Variants in ARFIP1 observed in about 807,000 individuals in gnomAD.
ARFIP1 encodes ARF interacting protein 1, also known as arfaptin-1.
ARFIP1 carries 24 observed loss-of-function variants against 42.5 expected under a neutral mutation model. The observed-to-expected ratio is 0.57, with a 90% CI of 0.41 to 0.80. The LOEUF is 0.80. Ranked by LOEUF, ARFIP1 falls within the 30% of genes least tolerant of loss-of-function variation. The pLI is 0.00. For synonymous variants in ARFIP1, 141 were observed against 153.7 expected (o/e 0.92, Z 0.61); for missense variants, 354 against 434.0 (o/e 0.82, Z 1.64).
chr4:152,896,889 CTG>C (rs777602519), intron 8 of ARFIP1, among the ~76,000 whole-genome samples: 7 of 152,030 alleles, frequency 4.6e-5, no homozygotes, highest in Non-Finnish European at 7.4e-5. Context: ...ATGATTAATT[CTG>C]TGTTGGTGAG....
intron 5 of ARFIP1, among the ~76,000 whole-genome samples, chr4:152,874,491 A>T (rs1735156354): frequency 6.6e-6 from 1 of 152,204 alleles, no homozygotes; most frequent in Admixed American, 6.5e-5. Context: ...AACCAAAAAA[A>T]GTTCATAGTG....
chr4:152,785,298 C>T (rs1730735315), intron 1 of ARFIP1, among the ~76,000 whole-genome samples: 3 of 152,196 alleles, frequency 2.0e-5, no homozygotes, highest in Admixed American at 6.5e-5. Context: ...TTACTCCAGC[C>T]ATACCAAATA....
At chr4:152,806,375 A>G (rs1197497618) in intron 1 of ARFIP1, among the ~76,000 whole-genome samples, 2 of 152,166 alleles carry the variant, frequency 1.3e-5, no homozygotes, top group Non-Finnish European at 2.9e-5. Context: ...GTAGGTGGGC[A>G]CTGTGATCAG....
chr4:152,885,558 TAGTG>T (rs1736192336), intron 7 of ARFIP1, among the ~76,000 whole-genome samples: 1 of 151,946 alleles, frequency 6.6e-6, no homozygotes. Context: ...TTTGAAAACT[TAGTG>T]AGCTTCTCTT....
chr4:152,867,560 G>A (rs1367028319), intron 3 of ARFIP1, among the ~76,000 whole-genome samples: 1 of 152,018 alleles, frequency 6.6e-6, no homozygotes, highest in Middle Eastern at 3.2e-3. Flanking sequence ...AGAGGGTCTC[G>A]AAACAATTAC....
At chr4:152,793,431 C>G (rs1391353748) in intron 1 of ARFIP1, among the ~76,000 whole-genome samples, 1 of 151,004 alleles carries the variant, frequency 6.6e-6, no homozygotes, top group Non-Finnish European at 1.5e-5. Context: ...TTGGTCTTTT[C>G]CAGAGCTGAA....
chr4:152,842,033 T>G (rs1157390897), intron 2 of ARFIP1, among the ~76,000 whole-genome samples: 26 of 152,170 alleles, frequency 1.7e-4, no homozygotes, highest in Admixed American at 1.7e-3. Context: ...CTGGATTTCC[T>G]AGGCTGACTA....
At chr4:152,828,071 G>GTATGTACCACATTTTA (rs1561126534) in intron 1 of ARFIP1, among the ~76,000 whole-genome samples, 3 of 152,112 alleles carry the variant, frequency 2.0e-5, no homozygotes, top group African/African-American at 7.2e-5. Flanking sequence ...TTCCATTTAT[G>GTATGTACCACATTTTA]TATGTACCAC....
intron 8 of ARFIP1, among the ~76,000 whole-genome samples, chr4:152,902,381 A>T (rs1298951891): frequency 4.6e-5 from 7 of 152,286 alleles, no homozygotes; most frequent in Admixed American, 3.9e-4. Flanking sequence ...GCGCACCATT[A>T]TTCCTAGTTA....
At chr4:152,803,782 G>A (rs1417801119) in intron 1 of ARFIP1, among the ~76,000 whole-genome samples, 3 of 151,610 alleles carry the variant, frequency 2.0e-5, no homozygotes, top group Non-Finnish European at 4.4e-5. Context: ...CAGCCCTAAT[G>A]ATATAAATGG....
intron 1 of ARFIP1, among the ~76,000 whole-genome samples, chr4:152,814,118 T>G (rs1184976167): frequency 6.6e-6 from 1 of 150,638 alleles, no homozygotes; most frequent in African/African-American, 2.4e-5. Flanking sequence ...TTTTTTTTGT[T>G]TCACTCTGTC....
At position 152,910,414 on chromosome 4, in the gene ARFIP1, C is replaced by G. The variant is rs1225504932; in HGVS notation, c.*195C>G. On this transcript the variant is annotated 3_prime_UTR_variant, in exon 9 of 9. Coordinates refer to ENST00000353617, the MANE Select transcript of ARFIP1 (RefSeq NM_001025595.3). ...GGTGGTTTTAATGTAAACATAGTTTCTATAATCTGAACACAATAATTTTCC... is the reference window on the plus strand; with the variant it reads ...GGTGGTTTTAATGTAAACATAGTTTGTATAATCTGAACACAATAATTTTCC... 1 of 556,640 alleles carries G rather than the reference C, an allele frequency of 1.8e-6. No individual in the cohort carries two copies. Among genetic ancestry groups the G allele is most frequent in the African/African-American group, 1.9e-5 (1 of 51,766 alleles). The allele number at this position is 556,640 out of a possible 1,614,324, so 34.5% of individuals were successfully genotyped here. A position where few individuals can be genotyped will look rare whatever the true frequency, so the allele number is the denominator to read the frequency against.
chr4:152,808,074 A>G (rs1002287356), intron 1 of ARFIP1, among the ~76,000 whole-genome samples: 1 of 151,862 alleles, frequency 6.6e-6, no homozygotes, highest in South Asian at 2.1e-4. Flanking sequence ...TCCGCCTCCC[A>G]GGTTCAAGTG....
At chr4:152,848,425 A>G (rs1219712903) in intron 2 of ARFIP1, among the ~76,000 whole-genome samples, 1 of 152,268 alleles carries the variant, frequency 6.6e-6, no homozygotes, top group Admixed American at 6.5e-5. Flanking sequence ...CTTATATTTG[A>G]TACATCTTGT....
At chr4:152,866,196 AG>A (rs1221842350) in intron 3 of ARFIP1, among the ~76,000 whole-genome samples, 126 of 152,352 alleles carry the variant, frequency 8.3e-4, no homozygotes, top group African/African-American at 3.0e-3. Flanking sequence ...GTAAGGTCAT[AG>A]ATCAACAGGA....
At chr4:152,860,295 A>T (rs1733783566) in intron 2 of ARFIP1, among the ~76,000 whole-genome samples, 1 of 152,234 alleles carries the variant, frequency 6.6e-6, no homozygotes, top group Admixed American at 6.5e-5. Context: ...ATTCAAACTC[A>T]GGTATATCTG....
intron 8 of ARFIP1, among the ~76,000 whole-genome samples, chr4:152,888,515 A>C (rs1010660830): frequency 6.6e-6 from 1 of 152,150 alleles, no homozygotes; most frequent in Non-Finnish European, 1.5e-5. Context: ...CCAGTCTTTC[A>C]CATATAACAC....
intron 4 of ARFIP1, 74 bp from the exon 5 acceptor site, chr4:152,872,378 C>T: frequency 1.1e-6 from 1 of 948,878 alleles, no homozygotes; most frequent in Admixed American, 3.0e-5. Context: ...TCAATTTGAA[C>T]AATATCAGGG....
chr4:152,791,044 G>T (rs1323286390), intron 1 of ARFIP1, among the ~76,000 whole-genome samples: 1 of 151,868 alleles, frequency 6.6e-6, no homozygotes. Context: ...GGCCCGATGT[G>T]TTTATCTTAA....
Sources: gnomAD v4.1 joint callset for allele counts (sites outside exome capture counted in the v4.1 genomes callset) on GRCh38, gnomAD v4.1.1 for gene constraint, MANE v1.5 for transcripts, NCBI Gene and HGNC (gene_info 2026-07-23, HGNC 2026-07-21) for gene names.